BIRC6: variants seen among roughly 807,000 people sequenced by gnomAD.
The protein encoded by BIRC6 is baculoviral IAP repeat containing 6, also known as dual E2 ubiquitin-conjugating enzyme/E3 ubiquitin-protein ligase BIRC6.
In BIRC6, 98 loss-of-function variants were observed where a neutral mutation model predicts 503.3. That is an observed-to-expected ratio of 0.19 (90% CI 0.17 to 0.23). The LOEUF (loss-of-function observed/expected upper bound fraction) is 0.23. Among genes scored for constraint, BIRC6 ranks in the 10% least tolerant of loss-of-function variants. The probability of loss-of-function intolerance (pLI) is 1.00; values close to 1 mark genes in which losing one functional copy is unlikely to be tolerated. For synonymous variants in BIRC6, 2,240 were observed against 2,078.7 expected, an observed-to-expected ratio of 1.08 and a Z score of -2.11; for missense variants, 5,360 against 5,806.0, an observed-to-expected ratio of 0.92 and a Z score of 2.50.
rs756579219 is a variant in BIRC6 at position 32,500,066 on chromosome 2, T to G, written c.8988T>G (p.Ser2996=). The G allele has an allele frequency of 3.7e-6, 6 of 1,613,860 alleles. No individual in the cohort carries two copies. In the South Asian group the frequency reaches 6.6e-5, roughly 18 times the overall value. The change falls in exon 46 of 74, where the codon TCT becomes TCG. Residue 2996 remains serine (S), a synonymous_variant. Coordinates refer to ENST00000421745, the MANE Select transcript of BIRC6 (RefSeq NM_016252.4). Reference sequence around the variant, plus strand: ...AACAAATTATGAGCCAGATTTTGTCTGCTCTGGGCCTGTGTAATAGCAGTG... The same window carrying G: ...AACAAATTATGAGCCAGATTTTGTCGGCTCTGGGCCTGTGTAATAGCAGTG... ...ANQQIMSQIL[S]ALGLCNSSAM...
rs2052910982 is a variant in BIRC6 at position 32,499,595 on chromosome 2, C to G, written c.8517C>G (p.Leu2839=). 6.2e-7 allele frequency: 1 copy of G among 1,613,622 alleles called. No homozygotes were observed. Among genetic ancestry groups the G allele is most frequent in the South Asian group, 1.1e-5 (1 of 91,056 alleles). ...GQGPLDAQVK[L]LEFTLEQNFE... Reference sequence around the variant, plus strand: ...GACCTCTCGATGCCCAAGTGAAGCTCTTAGAATTCACTCTGGAGCAGAATT... The same window carrying G: ...GACCTCTCGATGCCCAAGTGAAGCTGTTAGAATTCACTCTGGAGCAGAATT... The change falls in exon 46 of 74, where the codon CTC becomes CTG. Residue 2839 remains leucine (L), a synonymous_variant. Transcript: ENST00000421745.
chr2:32,578,051 T>C (rs1362397095), intron 66 of BIRC6, among the ~76,000 whole-genome samples: 4 of 152,218 alleles, frequency 2.6e-5, no homozygotes, highest in Non-Finnish European at 2.9e-5. Context: ...GCATTAAGAC[T>C]TGAATATACT....
chr2:32,600,951 T>G (rs1420566394), intron 70 of BIRC6, among the ~76,000 whole-genome samples: 2 of 152,188 alleles, frequency 1.3e-5, no homozygotes, highest in African/African-American at 2.4e-5. Flanking sequence ...ATAATTGTCT[T>G]GGGCCACACA....
Position 32,453,858 on chromosome 2 carries a change from C to T in BIRC6, c.4669C>T (p.Leu1557Phe). 3.1e-6 allele frequency: 5 copies of T among 1,613,738 alleles called. No homozygotes were observed. Among genetic ancestry groups the T allele is most frequent in the Non-Finnish European group, 4.2e-6 (5 of 1,179,696 alleles). The change falls in exon 23 of 74, where the codon CTC (leucine) becomes TTC (phenylalanine). Residue 1557 changes from leucine to phenylalanine, a missense_variant. Transcript: ENST00000421745. ...CTAAEGSFTSLTGLLEVEPLH... is the reference protein window; with the variant it reads ...CTAAEGSFTSFTGLLEVEPLH... ...AGCTGCTGAGGGTAGTTTCACATCT[C>T]TCACTGGACTTTTGGAAGTTGAACC...
At chr2:32,545,100 C>T (rs1171030360) in intron 62 of BIRC6, among the ~76,000 whole-genome samples, 2 of 151,978 alleles carry the variant, frequency 1.3e-5, no homozygotes, top group East Asian at 1.9e-4. Flanking sequence ...AGTGCATATA[C>T]AATGAATTTT....
At chr2:32,377,851 C>A in intron 2 of BIRC6, 82 bp downstream of exon 2, 1 of 1,244,368 alleles carries the variant, frequency 8.0e-7, no homozygotes, top group African/African-American at 1.5e-5. Context: ...TTAAGTCATC[C>A]TTTAAGGACG....
intron 59 of BIRC6, 67 bp from the exon 60 acceptor site, chr2:32,529,584 A>G: frequency 1.5e-6 from 2 of 1,342,674 alleles, no homozygotes; most frequent in Non-Finnish European, 9.9e-7. Flanking sequence ...GTAAAAGCAG[A>G]TAATAATTAA....
chr2:32,391,355 A>G (rs753411395), intron 4 of BIRC6, among the ~76,000 whole-genome samples: 8 of 152,290 alleles, frequency 5.3e-5, no homozygotes, highest in African/African-American at 1.9e-4. Context: ...GTTAGGGTCT[A>G]TTGGATGCTA....
chr2:32,438,531 A>G (rs563756191), intron 15 of BIRC6, among the ~76,000 whole-genome samples: 2 of 151,528 alleles, frequency 1.3e-5, no homozygotes, highest in African/African-American at 2.4e-5. Flanking sequence ...AATATCACAT[A>G]CTAGTGATAA....
At chr2:32,402,224 A>G (rs549192667) in intron 8 of BIRC6, among the ~76,000 whole-genome samples, 39 of 152,240 alleles carry the variant, frequency 2.6e-4, no homozygotes, top group Admixed American at 9.2e-4. Context: ...GGGGTGGGAG[A>G]GTCAAAGTAT....
At chr2:32,418,330 A>G (rs1463166256) in intron 10 of BIRC6, among the ~76,000 whole-genome samples, 1 of 152,240 alleles carries the variant, frequency 6.6e-6, no homozygotes, top group East Asian at 1.9e-4. Flanking sequence ...TTTAGTCATC[A>G]CACCAACTTT....
At chr2:32,406,645 A>G (rs1281137584) in intron 9 of BIRC6, 88 bp downstream of exon 9, 2 of 896,270 alleles carry the variant, frequency 2.2e-6, no homozygotes, top group Admixed American at 5.1e-5. Context: ...TGAATTTCTT[A>G]GTTAATGCTA....
intron 41 of BIRC6, among the ~76,000 whole-genome samples, 190 bp from the exon 42 acceptor site, chr2:32,488,398 C>A (rs1294257616): frequency 6.6e-6 from 1 of 151,898 alleles, no homozygotes; most frequent in Non-Finnish European, 1.5e-5. Flanking sequence ...TTTGTTTCTT[C>A]AAGAATTTTA....
rs771058844 is a variant in BIRC6 at position 32,593,972 on chromosome 2, A to G, written c.13413A>G (p.Pro4471=). Residue 4471 remains proline (P), a synonymous_variant, in exon 67 of 74, where the codon CCA becomes CCG. Transcript: ENST00000421745. ...GVKPDASDQE[P]EGLTLLVPDI... Reference sequence around the variant, plus strand: ...AACCAGATGCGTCTGATCAAGAACCAGAAGGACTTACTCTTTTGGTACCAG... The same window carrying G: ...AACCAGATGCGTCTGATCAAGAACCGGAAGGACTTACTCTTTTGGTACCAG... 28 of 1,613,700 alleles carry G rather than the reference A, an allele frequency of 1.7e-5. No individual in the cohort carries two copies. Among genetic ancestry groups the G allele is most frequent in the South Asian group, 4.4e-5 (4 of 91,074 alleles).
rs890089989 is a variant in BIRC6, at chr2:32,441,919, A to G, written c.3945-146A>G. ...TATTAAAAAATTTTCTACAAATGAAATACTTGACATATAGCTATTGATTGT... is the reference window on the plus strand; with the variant it reads ...TATTAAAAAATTTTCTACAAATGAAGTACTTGACATATAGCTATTGATTGT... On this transcript the variant is annotated intron_variant, in intron 17 of 73. Transcript: ENST00000421745. 1.3e-5 allele frequency: 7 copies of G among 539,380 alleles called. No homozygotes were observed. In the Admixed American group the frequency reaches 1.5e-4, roughly 12 times the overall value. 33.4% of individuals were successfully genotyped at this position (539,380 alleles called of 1,614,324 possible). A position where few individuals can be genotyped will look rare whatever the true frequency, so the allele number is the denominator to read the frequency against.
At position 32,357,038 on chromosome 2, in the gene BIRC6, T is replaced by TC. The variant is rs1482577417; in HGVS notation, c.-119dup. The TC allele has an allele frequency of 2.7e-5, 23 of 856,242 alleles. No homozygotes were observed. The Admixed American group carries it at 5.6e-4, about 21-fold the overall frequency. The allele number at this position is 856,242 out of a possible 1,614,324, so 53.0% of individuals were successfully genotyped here. A position where few individuals can be genotyped will look rare whatever the true frequency, so the allele number is the denominator to read the frequency against. On this transcript the variant is annotated 5_prime_UTR_variant, in exon 1 of 74. Transcript: ENST00000421745. This position sits in a 1 kb window ranked among gnomAD's most constrained non-coding sequence, Gnocchi z 4.9. The stretch of plus-strand genomic sequence containing the variant: ...CGGGCCCCGCCTCCCTCCCTGCTTC[T>TC]CCCCCTCTCCCGTCAGCCTCCCTCC...
chr2:32,377,213 A>ATGTG (rs59912267), intron 1 of BIRC6, among the ~76,000 whole-genome samples: 9,631 of 144,146 alleles, frequency 0.067, 325 homozygotes, highest in African/African-American at 0.08. Flanking sequence ...CTTAATATAT[A>ATGTG]TGTGTGTGTG....
intron 2 of BIRC6, 68 bp downstream of exon 2, chr2:32,377,837 G>T: frequency 7.4e-7 from 1 of 1,344,784 alleles, no homozygotes; most frequent in South Asian, 1.6e-5. Flanking sequence ...GATGTTAAAT[G>T]AAATTAAGTC....
At chr2:32,398,453 T>TAG (rs1016504122) in intron 6 of BIRC6, among the ~76,000 whole-genome samples, 15 of 152,178 alleles carry the variant, frequency 9.9e-5, no homozygotes, top group African/African-American at 3.6e-4. Context: ...AATAGAATGG[T>TAG]AGATGATTGG....
Sources: gnomAD v4.1 joint callset for allele counts (sites outside exome capture counted in the v4.1 genomes callset) on GRCh38, gnomAD v4.1.1 for gene constraint, Gnocchi (gnomAD v3.1) non-coding constraint, MANE v1.5 for transcripts, NCBI Gene and HGNC (gene_info 2026-07-23, HGNC 2026-07-21) for gene names.